Variants in TRIM54 observed in about 807,000 individuals in gnomAD.
TRIM54 encodes the protein tripartite motif-containing protein 54.
Under a neutral mutation model 42.0 loss-of-function variants are expected in TRIM54, and 40 were observed. The observed-to-expected ratio is 0.95, with a 90% CI of 0.74 to 1.24. The LOEUF (loss-of-function observed/expected upper bound fraction) is 1.24. Ranked by LOEUF, TRIM54 falls within the 50% of genes most tolerant of loss-of-function variation. The pLI is 0.00. For missense variants in TRIM54, 485 were observed against 480.3 expected, an observed-to-expected ratio of 1.01 and a Z score of -0.09; for synonymous variants, 199 against 194.9, an observed-to-expected ratio of 1.02 and a Z score of -0.17.
chr2:27,302,343 C>T (rs566611962), intron 3 of TRIM54, among the ~76,000 whole-genome samples: 5 of 150,186 alleles, frequency 3.3e-5, no homozygotes, highest in South Asian at 2.1e-4. Flanking sequence ...CCCAGCTACT[C>T]GGGAGGCTGA....
In TRIM54 at chr2:27,306,017, A is replaced by C; in HGVS notation, c.844-63A>C. The C allele has an allele frequency of 1.9e-6, 3 of 1,605,440 alleles. No individual in the cohort carries two copies. In the Admixed American group the frequency reaches 5.1e-5, roughly 27 times the overall value. On this transcript the variant is annotated intron_variant, in intron 5 of 8. Transcript: ENST00000380075. This position sits in a 1 kb window ranked among gnomAD's most constrained non-coding sequence, Gnocchi z 6.1. ...ACCCCGCAGGACTGTGGTGAGATTC[A>C]GAAATGGGACTTTGCCCAGGTTGGC...
rs78830986 is a variant in TRIM54 at position 27,287,286 on chromosome 2, C to T, written c.168+4387C>T. Among the ~76,000 whole-genome samples, 1,104 of 151,840 alleles carry T rather than the reference C, an allele frequency of 7.3e-3. 17 individuals carry two copies. Among genetic ancestry groups the T allele is most frequent in the African/African-American group, 0.025 (1,050 of 41,394 alleles). On this transcript the variant is annotated intron_variant, in intron 1 of 8. Transcript: ENST00000380075. ...GCATGATGATGGCTCACTGCAGCCT[C>T]GACTTCCCAGCCTCTAGCCATCCCT...
chr2:27,296,565 G>A (rs1326321264), intron 1 of TRIM54, among the ~76,000 whole-genome samples: 1 of 152,102 alleles, frequency 6.6e-6, no homozygotes, highest in African/African-American at 2.4e-5. Context: ...GGCTCAAGAC[G>A]GCTGCTTCAA....
chr2:27,299,383 G>C lies in TRIM54; in HGVS notation c.480G>C (p.Val160=), dbSNP rs1436828229. Residue 160 remains valine, a synonymous_variant, in exon 3 of 9, where the codon GTG becomes GTC. Coordinates refer to ENST00000380075, the MANE Select transcript of TRIM54 (RefSeq NM_187841.3). The stretch of plus-strand genomic sequence containing the variant: ...TCGGTGCCCACAAGGACTGTGAGGT[G>C]GCCCCACTGCCCACCATTTACAAAC... ...KVFGAHKDCE[V]APLPTIYKRQ... 7.4e-6 allele frequency: 12 copies of C among 1,614,070 alleles called. No individual in the cohort carries two copies. The highest frequency in any genetic ancestry group is 1.0e-5 in the Non-Finnish European group (12 of 1,180,016).
Position 27,282,718 on chromosome 2 carries a change from C to G in TRIM54, c.-14C>G. ...CCAGGAGCAGGGCCCAGGCCAGGCA[C>G]GACCACCGAGGGGATGAACTTCACA... On this transcript the variant is annotated 5_prime_UTR_variant, in exon 1 of 9. Coordinates refer to ENST00000380075, the MANE Select transcript of TRIM54 (RefSeq NM_187841.3). 1 of 1,604,278 alleles carries G rather than the reference C, an allele frequency of 6.2e-7. No individual in the cohort carries two copies. The highest frequency in any genetic ancestry group is 8.5e-7 in the Non-Finnish European group (1 of 1,175,704).
intron 1 of TRIM54, among the ~76,000 whole-genome samples, chr2:27,287,863 C>T (rs1678620863): frequency 6.6e-6 from 1 of 152,200 alleles, no homozygotes; most frequent in African/African-American, 2.4e-5. Flanking sequence ...GCAATTCTAA[C>T]GATTTGGTTT....
At chr2:27,299,547 G>T in intron 3 of TRIM54, 131 bp downstream of exon 3, 1 of 1,533,162 alleles carries the variant, frequency 6.5e-7, no homozygotes, top group Non-Finnish European at 8.7e-7. Context: ...ATCTCACTCT[G>T]TTGCCCAGGC....
At chr2:27,296,798 G>C (rs1397212777) in intron 1 of TRIM54, among the ~76,000 whole-genome samples, 1 of 152,124 alleles carries the variant, frequency 6.6e-6, no homozygotes, top group Non-Finnish European at 1.5e-5. Flanking sequence ...TCCCTCTGTT[G>C]CCCAGGCTGG....
At chr2:27,301,324 G>A (rs13403383) in intron 3 of TRIM54, among the ~76,000 whole-genome samples, 3 of 152,158 alleles carry the variant, frequency 2.0e-5, no homozygotes, top group Admixed American at 1.3e-4. Context: ...ATTTTTAATA[G>A]AGACAGGGTT....
chr2:27,297,913 C>T (rs1346510460), intron 1 of TRIM54, among the ~76,000 whole-genome samples: 1 of 136,864 alleles, frequency 7.3e-6, no homozygotes, highest in South Asian at 2.5e-4. Context: ...CCCAGGAGGT[C>T]GAGGCTGCGG....
chr2:27,302,748 G>A (rs1464855637), intron 3 of TRIM54, among the ~76,000 whole-genome samples: 5 of 152,112 alleles, frequency 3.3e-5, no homozygotes, highest in African/African-American at 7.2e-5. Flanking sequence ...CTGAGATTGC[G>A]CCATTGCACT....
rs1678419533 is a variant in TRIM54 at position 27,282,809 on chromosome 2, C to T, written c.78C>T (p.Cys26=). The T allele has an allele frequency of 6.2e-7, 1 of 1,613,980 alleles. No individual in the cohort carries two copies. The highest frequency in any genetic ancestry group is 8.5e-7 in the Non-Finnish European group (1 of 1,179,996). Residue 26 remains cysteine (C), a synonymous_variant, in exon 1 of 9, where the codon TGC becomes TGT. Transcript: ENST00000380075. ...ACAACCTGGAGAAGCAGCTCATCTG[C>T]CCCATCTGCCTGGAGATGTTCTCCA... ...SMDNLEKQLI[C]PICLEMFSKP...
rs895207088 is a variant in TRIM54 at position 27,303,411 on chromosome 2, C to T, written c.514-1548C>T. Among the ~76,000 whole-genome samples, 9 of 152,008 alleles carry T rather than the reference C, an allele frequency of 5.9e-5. No homozygotes were observed. In the East Asian group the frequency reaches 9.6e-4, roughly 16 times the overall value. On this transcript the variant is annotated intron_variant, in intron 3 of 8. Transcript: ENST00000380075. ...CTAAAGATACAAAAAATTAGCCGGG[C>T]GTGGTTGCAGGCCCTGTAATCCCAG...
chr2:27,305,073 G>C lies in TRIM54; in HGVS notation c.609+19G>C, dbSNP rs771303672. 3 of 1,608,040 alleles carry C rather than the reference G, an allele frequency of 1.9e-6. No individual in the cohort carries two copies. The African/African-American group carries it at 4.0e-5, about 21-fold the overall frequency. On this transcript the variant is annotated intron_variant, in intron 4 of 8. Transcript: ENST00000380075. The stretch of plus-strand genomic sequence containing the variant: ...TATCGAGGTGAGCCTGGGCTGGAGG[G>C]AGGGAGGAACAGCAACTGGCTAGCC...
At position 27,282,748 on chromosome 2, in the gene TRIM54, G is replaced by C; in HGVS notation, c.17G>C (p.Gly6Ala). ...ACCGAGGGGATGAACTTCACAGTGG[G>C]TTTCAAGCCGCTGCTAGGGGATGCA... is the stretch of plus-strand genomic sequence containing the variant. MNFTV[G>A]FKPLLGDAHS... The change falls in exon 1 of 9, where the codon GGT (glycine) becomes GCT (alanine). Residue 6 changes from glycine (G) to alanine (A), a missense_variant. Transcript: ENST00000380075. The C allele has an allele frequency of 6.2e-7, 1 of 1,612,398 alleles. No homozygotes were observed. Among genetic ancestry groups the C allele is most frequent in the Non-Finnish European group, 8.5e-7 (1 of 1,179,190 alleles).
rs1558580798 is a variant in TRIM54 at position 27,283,764 on chromosome 2, G to GCACACACGCACGCGCGCGCGCGCACA, written c.168+872_168+873insGCACGCGCGCGCGCGCACACACACAC. 8.4e-4 allele frequency among the ~76,000 whole-genome samples: 99 copies of GCACACACGCACGCGCGCGCGCGCACA among 117,898 alleles called. 2 individuals carry two copies. The highest frequency in any genetic ancestry group is 1.7e-3 in the East Asian group (7 of 4,168). The allele number at this position is 117,898 out of a possible 152,430, so 77.3% of individuals were successfully genotyped here. On this transcript the variant is annotated intron_variant, in intron 1 of 8. Coordinates refer to ENST00000380075, the MANE Select transcript of TRIM54 (RefSeq NM_187841.3). ...AGATCAGGGAGAGTGAGGGGCAAAGGCACACACACACACACGCGCGCACAC... is the reference window on the plus strand; with the variant it reads ...AGATCAGGGAGAGTGAGGGGCAAAGGCACACACGCACGCGCGCGCGCGCACACACACACACACACACGCGCGCACAC...
In TRIM54 at chr2:27,305,584, G is replaced by A; in HGVS notation, c.610G>A (p.Asp204Asn). Residue 204 changes from aspartate (D) to asparagine (N), a missense_variant and splice_region_variant, in exon 5 of 9, where the codon GAC becomes AAC. Coordinates refer to ENST00000380075, the MANE Select transcript of TRIM54 (RefSeq NM_187841.3). ...QMEEVCQTIE[D>N]NSRRQKQLLN... ...CTCATCCTTGCTCCCCATCTTTTAG[G>A]ACAATAGCCGGAGGCAGAAGCAGTT... is the stretch of plus-strand genomic sequence containing the variant. 1.9e-6 allele frequency: 3 copies of A among 1,612,042 alleles called. No individual in the cohort carries two copies. Among genetic ancestry groups the A allele is most frequent in the Non-Finnish European group, 2.5e-6 (3 of 1,178,694 alleles).
Position 27,305,494 on chromosome 2 carries a change from T to C in TRIM54, c.610-90T>C, listed in dbSNP as rs2148205724. ...ACAGTGTCACTACGGATGGGTCACT[T>C]TCTGTGTTGGTTCTCTGTGAGTACC... On this transcript the variant is annotated intron_variant, in intron 4 of 8. Coordinates refer to ENST00000380075, the MANE Select transcript of TRIM54 (RefSeq NM_187841.3). The C allele has an allele frequency of 3.7e-6, 4 of 1,091,396 alleles. No individual in the cohort carries two copies. In the East Asian group the frequency reaches 1.0e-4, roughly 28 times the overall value. The allele number at this position is 1,091,396 out of a possible 1,614,324, so 67.6% of individuals were successfully genotyped here.
In TRIM54 at chr2:27,306,594, G is replaced by A. The variant is rs779082181; in HGVS notation, c.*1+52G>A. 9.5e-6 allele frequency: 14 copies of A among 1,470,838 alleles called. No individual in the cohort carries two copies. The East Asian group carries it at 2.0e-4, about 21-fold the overall frequency. 91.1% of individuals were successfully genotyped at this position (1,470,838 alleles called of 1,614,324 possible). On this transcript the variant is annotated intron_variant, in intron 8 of 8. Transcript: ENST00000380075. This position sits in a 1 kb window ranked among gnomAD's most constrained non-coding sequence, Gnocchi z 6.1. ...GTGAGAGCGGCCTGAGGGGCTTGGG[G>A]TGGGGCCTGGCTGGTGTGCTCGCGT...
Sources: allele counts gnomAD v4.1 joint callset (sites outside exome capture counted in the v4.1 genomes callset), GRCh38; gene constraint gnomAD v4.1.1; non-coding constraint Gnocchi (gnomAD v3.1); transcripts MANE v1.5; gene names NCBI Gene and HGNC (gene_info 2026-07-23, HGNC 2026-07-21).